SASH1: variants seen among roughly 807,000 people sequenced by gnomAD.
The protein encoded by SASH1 is SAM and SH3 domain containing 1.
A neutral mutation model predicts 125.2 loss-of-function variants in SASH1; 44 were observed. That is an observed-to-expected ratio of 0.35 (90% CI 0.28 to 0.45). The LOEUF is 0.45. Ranked by LOEUF, SASH1 falls within the 20% of genes least tolerant of loss-of-function variation. The pLI is 1.00. For missense variants in SASH1, 1,426 were observed against 1,614.5 expected (o/e 0.88, Z 2.00); for synonymous variants, 639 against 649.1 (o/e 0.98, Z 0.24).
At chr6:148,465,115 G>A (rs780299572) in intron 4 of SASH1, among the ~76,000 whole-genome samples, 26 of 152,236 alleles carry the variant, frequency 1.7e-4, no homozygotes, top group Middle Eastern at 3.4e-3. Flanking sequence ...CAGTGGGAGC[G>A]TACATTTTTC....
intron 2 of SASH1, among the ~76,000 whole-genome samples, chr6:148,434,470 G>A (rs914242506): frequency 5.3e-5 from 8 of 151,912 alleles, no homozygotes; most frequent in African/African-American, 1.2e-4. Context: ...TACTCTCAGC[G>A]TTTTTTTTCC....
intron 1 of SASH1, among the ~76,000 whole-genome samples, chr6:148,277,465 T>A (rs2128504341): frequency 6.6e-6 from 1 of 152,300 alleles, no homozygotes; most frequent in South Asian, 2.1e-4. Context: ...CTGGTCAAAC[T>A]CTCTGGGGAG....
chr6:148,356,494 C>CTTT (rs57183555), intron 1 of SASH1, among the ~76,000 whole-genome samples: 3 of 116,284 alleles, frequency 2.6e-5, no homozygotes, highest in African/African-American at 6.7e-5. Flanking sequence ...ACTTTTAGTT[C>CTTT]TTTTTTTTTT....
intron 1 of SASH1, among the ~76,000 whole-genome samples, chr6:148,350,691 A>G (rs1781697967): frequency 6.6e-6 from 1 of 152,240 alleles, no homozygotes; most frequent in African/African-American, 2.4e-5. Flanking sequence ...CATTCTTGGC[A>G]TTAGTAAAAA....
intron 1 of SASH1, among the ~76,000 whole-genome samples, chr6:148,298,647 A>AAGGG (rs199849000): frequency 0.027 from 2,494 of 92,306 alleles, 110 homozygotes; most frequent in Non-Finnish European, 0.038. Context: ...AGAAGGAAGG[A>AAGGG]AGGGAGGGAG....
At chr6:148,336,789 A>T (rs2114615018) in intron 1 of SASH1, among the ~76,000 whole-genome samples, 1 of 149,830 alleles carries the variant, frequency 6.7e-6, no homozygotes, top group Non-Finnish European at 1.5e-5. Flanking sequence ...TCTGTAATAC[A>T]GGCATTTGTA....
the SASH1 span, among the ~76,000 whole-genome samples, chr6:148,265,434 C>T: frequency 2.6e-5 from 4 of 152,132 alleles, no homozygotes; most frequent in African/African-American, 9.7e-5. Flanking sequence ...TTACATCTTT[C>T]ACTCTCTTTT....
chr6:148,467,869 G>A (rs1020630388), intron 4 of SASH1, among the ~76,000 whole-genome samples: 1 of 152,122 alleles, frequency 6.6e-6, no homozygotes, highest in African/African-American at 2.4e-5. Flanking sequence ...CCCAGGAGGC[G>A]GAGGTTGCAG....
intron 8 of SASH1, among the ~76,000 whole-genome samples, chr6:148,492,477 A>G (rs1297769280): frequency 6.6e-6 from 1 of 152,228 alleles, no homozygotes; most frequent in African/African-American, 2.4e-5. Context: ...AAGGAGAAAG[A>G]GAAAGGTCCT....
intron 1 of SASH1, among the ~76,000 whole-genome samples, chr6:148,299,273 C>T (rs958160627): frequency 6.6e-6 from 1 of 151,860 alleles, no homozygotes; most frequent in East Asian, 1.9e-4. Context: ...GGAGCGGACA[C>T]TCTAACATTA....
chr6:148,334,816 A>G (rs199514647), intron 1 of SASH1, among the ~76,000 whole-genome samples: 15 of 149,972 alleles, frequency 1.0e-4, no homozygotes, highest in African/African-American at 2.5e-4. Context: ...CATCTCAGGG[A>G]AAAAAAAATT....
chr6:148,448,924 A>T (rs1473911025), intron 4 of SASH1, among the ~76,000 whole-genome samples: 1 of 151,980 alleles, frequency 6.6e-6, no homozygotes, highest in Admixed American at 6.6e-5. Flanking sequence ...AGACTTTTTC[A>T]TCATGCTGTC....
chr6:148,301,931 A>G (rs1779959352), intron 1 of SASH1, among the ~76,000 whole-genome samples: 1 of 151,838 alleles, frequency 6.6e-6, no homozygotes, highest in African/African-American at 2.4e-5. Flanking sequence ...GACATTCACT[A>G]AATGATCATT....
In SASH1 at chr6:148,459,395, C is replaced by T. The variant is rs186613659; in HGVS notation, c.387-9150C>T. Among the ~76,000 whole-genome samples the T allele has an allele frequency of 5.8e-4, 89 of 152,330 alleles. 1 individual carries two copies. The highest frequency in any genetic ancestry group is 2.0e-3 in the African/African-American group (83 of 41,574). The stretch of plus-strand genomic sequence containing the variant: ...GGCCCAGACACAACCAGACCATGGG[C>T]CTCCCCTGTGGAGAGATGGCATTTG... On this transcript the variant is annotated intron_variant, in intron 4 of 19. Transcript: ENST00000367467.
At chr6:148,491,474 T>G (rs1779108522) in intron 8 of SASH1, among the ~76,000 whole-genome samples, 1 of 152,178 alleles carries the variant, frequency 6.6e-6, no homozygotes, top group African/African-American at 2.4e-5. Context: ...TTCACCATGT[T>G]GACCAGGTTG....
intron 8 of SASH1, among the ~76,000 whole-genome samples, chr6:148,492,313 C>T (rs896341484): frequency 9.9e-5 from 15 of 152,152 alleles, no homozygotes; most frequent in African/African-American, 3.6e-4. Flanking sequence ...TGGTCAGAAC[C>T]ATTAGCTAGA....
chr6:148,271,824 C>T (rs1199843075), upstream of SASH1, among the ~76,000 whole-genome samples: 2 of 152,090 alleles, frequency 1.3e-5, no homozygotes, highest in African/African-American at 2.4e-5. Context: ...TGGAATAGTC[C>T]TCCCTTCCTT....
chr6:148,200,974 T>C, the SASH1 span, among the ~76,000 whole-genome samples: 4 of 152,206 alleles, frequency 2.6e-5, no homozygotes, highest in South Asian at 2.1e-4. Context: ...TGTGACAAGA[T>C]CACTTCCTCT....
At chr6:148,280,954 T>G (rs1375354750) in intron 1 of SASH1, among the ~76,000 whole-genome samples, 6 of 151,900 alleles carry the variant, frequency 3.9e-5, no homozygotes, top group Non-Finnish European at 7.4e-5. Flanking sequence ...GTTTTGTTGT[T>G]TTGTTTTGAG....
Sources: allele counts gnomAD v4.1 joint callset (sites outside exome capture counted in the v4.1 genomes callset), GRCh38; gene constraint gnomAD v4.1.1; transcripts MANE v1.5; gene names NCBI Gene and HGNC (gene_info 2026-07-23, HGNC 2026-07-21).